Variants in FARP1 observed in about 807,000 individuals in gnomAD.
FARP1 encodes FERM, ARH/RhoGEF and pleckstrin domain protein 1, also known as FERM, ARHGEF and pleckstrin domain-containing protein 1.
A neutral mutation model predicts 128.8 loss-of-function variants in FARP1; 52 were observed. The observed-to-expected ratio is 0.40, with a 90% confidence interval of 0.32 to 0.51. FARP1 has a LOEUF of 0.51. Ranked by LOEUF, FARP1 falls within the 20% of genes least tolerant of loss-of-function variation. The probability of loss-of-function intolerance (pLI) is 0.45; values close to 1 mark genes in which losing one functional copy is unlikely to be tolerated. For synonymous variants in FARP1, 580 were observed against 551.8 expected (o/e 1.05, Z -0.72); for missense variants, 1,333 against 1,367.9 (o/e 0.97, Z 0.40).
chr13:98,410,796 T>C lies in FARP1; in HGVS notation c.1665T>C (p.Tyr555=), dbSNP rs1328108315. 1.3e-6 allele frequency: 2 copies of C among 1,597,000 alleles called. No individual in the cohort carries two copies. The highest frequency in any genetic ancestry group is 1.7e-5 in the Admixed American group (1 of 59,430). Residue 555 remains tyrosine, a synonymous_variant, in exon 15 of 27, where the codon TAT becomes TAC. Transcript: ENST00000319562. Reference sequence around the variant, plus strand: ...AAGTGTCTACCACCGAGCGAACATATCTGAAGGATCTCGAAGTTATCACTT... The same window carrying C: ...AAGTGTCTACCACCGAGCGAACATACCTGAAGGATCTCGAAGTTATCACTT... ...AKEVSTTERT[Y]LKDLEVITSW...
At chr13:98,346,741 T>C (rs6491419) in intron 3 of FARP1, among the ~76,000 whole-genome samples, 16,148 of 151,922 alleles carry the variant, frequency 0.11, 1,118 homozygotes, top group African/African-American at 0.19. Context: ...TGAGATTCCA[T>C]CTCAAAAAAA....
chr13:98,409,262 T>C, intron 13 of FARP1, 76 bp from the exon 14 acceptor site: 1 of 1,148,660 alleles, frequency 8.7e-7, no homozygotes, highest in Non-Finnish European at 1.2e-6. Flanking sequence ...TTGAAAAAGG[T>C]GAAAGTAGTG....
chr13:98,228,905 A>G lies in FARP1; in HGVS notation c.171+15492A>G, dbSNP rs542080533. 7.2e-5 allele frequency among the ~76,000 whole-genome samples: 11 copies of G among 152,352 alleles called. No individual in the cohort carries two copies. In the East Asian group the frequency reaches 1.3e-3, roughly 19 times the overall value. ...TTCTTTATTTTCTAGTAGTTGCTATATGCACTGACCAGTTGAGTAATAAGA... is the reference window on the plus strand; with the variant it reads ...TTCTTTATTTTCTAGTAGTTGCTATGTGCACTGACCAGTTGAGTAATAAGA... On this transcript the variant is annotated intron_variant, in intron 2 of 26. Transcript: ENST00000319562.
At chr13:98,396,352 G>A (rs1890545910) in intron 13 of FARP1, 3 of 399,138 alleles carry the variant, frequency 7.5e-6, no homozygotes, top group South Asian at 1.3e-4. Flanking sequence ...GCTGATCCCC[G>A]GGAGTCAGCC....
chr13:98,247,674 G>T (rs1032129694), intron 2 of FARP1, among the ~76,000 whole-genome samples: 12 of 152,212 alleles, frequency 7.9e-5, no homozygotes, highest in African/African-American at 2.4e-4. Context: ...GTGAGCAAAG[G>T]TTGGTAGGTT....
intron 1 of FARP1, among the ~76,000 whole-genome samples, chr13:98,170,304 C>G (rs1877564507): frequency 6.6e-6 from 1 of 151,842 alleles, no homozygotes; most frequent in African/African-American, 2.4e-5. Flanking sequence ...CCACCTCAGC[C>G]TCCCAAGCAG....
At chr13:98,321,814 A>G (rs1887004163) in intron 2 of FARP1, among the ~76,000 whole-genome samples, 2 of 152,238 alleles carry the variant, frequency 1.3e-5, no homozygotes, top group Non-Finnish European at 2.9e-5. Context: ...AATATTAATC[A>G]TCTGAGAGAA....
At chr13:98,352,182 G>T (rs1888461760) in intron 3 of FARP1, among the ~76,000 whole-genome samples, 3 of 152,114 alleles carry the variant, frequency 2.0e-5, no homozygotes, top group Admixed American at 2.0e-4. Flanking sequence ...AGAACAAGCA[G>T]CTGGAGACAG....
intron 2 of FARP1, among the ~76,000 whole-genome samples, chr13:98,286,932 T>C (rs1356435086): frequency 6.6e-6 from 1 of 152,186 alleles, no homozygotes; most frequent in East Asian, 1.9e-4. Context: ...TGATATCACA[T>C]CATTTTGTTA....
chr13:98,408,402 A>G (rs1891059875), intron 13 of FARP1, among the ~76,000 whole-genome samples: 1 of 133,792 alleles, frequency 7.5e-6, no homozygotes, highest in African/African-American at 2.9e-5. Context: ...ATCTCAGTTC[A>G]CCGCAACCTT....
At position 98,345,074 on chromosome 13, in the gene FARP1, A is replaced by G. The variant is rs188383502; in HGVS notation, c.276+1208A>G. 6.6e-5 allele frequency among the ~76,000 whole-genome samples: 10 copies of G among 152,382 alleles called. No individual in the cohort carries two copies. In the East Asian group the frequency reaches 1.7e-3, roughly 26 times the overall value. ...CACACACAGCTTCTGAAGAGAGTCC[A>G]GGAAACAATTAGAGTGTAGCAAGTT... On this transcript the variant is annotated intron_variant, in intron 3 of 26. Coordinates refer to ENST00000319562, the MANE Select transcript of FARP1 (RefSeq NM_005766.4).
chr13:98,408,041 A>T (rs1214033635), intron 13 of FARP1, among the ~76,000 whole-genome samples: 1 of 152,214 alleles, frequency 6.6e-6, no homozygotes. Context: ...CTGAAACTGT[A>T]GACTGGGAAA....
intron 2 of FARP1, among the ~76,000 whole-genome samples, chr13:98,282,108 C>T (rs1179500805): frequency 1.3e-5 from 2 of 151,974 alleles, no homozygotes; most frequent in Non-Finnish European, 2.9e-5. Flanking sequence ...AGTTCCAGAC[C>T]ACCCTGGGCA....
intron 17 of FARP1, chr13:98,425,375 T>C (rs1250645320): frequency 6.6e-6 from 1 of 151,038 alleles, no homozygotes; most frequent in Non-Finnish European, 1.5e-5. Flanking sequence ...TAGTTTTTTT[T>C]TTTTGTTTGG....
At position 98,255,228 on chromosome 13, in the gene FARP1, G is replaced by A. The variant is rs569664284; in HGVS notation, c.171+41815G>A. Reference sequence around the variant, plus strand: ...AAAAGTGGTTGCTGTGGCCGGGCACGGTGGCTCACGCCTGTAATCCCAGCA... The same window carrying A: ...AAAAGTGGTTGCTGTGGCCGGGCACAGTGGCTCACGCCTGTAATCCCAGCA... On this transcript the variant is annotated intron_variant, in intron 2 of 26. Transcript: ENST00000319562. Among the ~76,000 whole-genome samples, 12 of 152,112 alleles carry A rather than the reference G, an allele frequency of 7.9e-5. No individual in the cohort carries two copies. In the South Asian group the frequency reaches 8.3e-4, roughly 11 times the overall value.
At chr13:98,207,854 T>C (rs938559293) in intron 1 of FARP1, among the ~76,000 whole-genome samples, 11 of 149,238 alleles carry the variant, frequency 7.4e-5, no homozygotes, top group African/African-American at 2.2e-4. Context: ...TTGTGAAGAT[T>C]ATTTTGGACA....
chr13:98,319,828 C>T (rs1886911698), intron 2 of FARP1, among the ~76,000 whole-genome samples: 1 of 151,862 alleles, frequency 6.6e-6, no homozygotes, highest in Non-Finnish European at 1.5e-5. Flanking sequence ...ATCTGGATAC[C>T]TACAGTTGCT....
intron 2 of FARP1, chr13:98,333,211 AATAG>A (rs1344049349): frequency 2.0e-5 from 3 of 152,168 alleles, no homozygotes. Context: ...TTCTCTGCCT[AATAG>A]ATATTAAAGT....
At chr13:98,232,215 C>T (rs1882173193) in intron 2 of FARP1, among the ~76,000 whole-genome samples, 1 of 127,802 alleles carries the variant, frequency 7.8e-6, no homozygotes, top group Non-Finnish European at 1.6e-5. Flanking sequence ...TTCACTTAGT[C>T]TCACTTTACC....
Sources: allele counts gnomAD v4.1 joint callset (sites outside exome capture counted in the v4.1 genomes callset), GRCh38; gene constraint gnomAD v4.1.1; transcripts MANE v1.5; gene names NCBI Gene and HGNC (gene_info 2026-07-23, HGNC 2026-07-21).